PRELID2: variants seen among roughly 807,000 people sequenced by gnomAD.
PRELID2 encodes PRELI domain-containing protein 2.
A neutral mutation model predicts 28.4 loss-of-function variants in PRELID2; 25 were observed. That is an observed-to-expected ratio of 0.88 (90% CI 0.64 to 1.23). PRELID2 has a LOEUF of 1.23. PRELID2 is among the 50% of genes most tolerant of loss of function. The pLI, the probability that PRELID2 is intolerant of heterozygous loss-of-function variation, is 0.00. For missense variants in PRELID2, 201 were observed against 214.4 expected (o/e 0.94, Z 0.39); for synonymous variants, 76 against 71.6 (o/e 1.06, Z -0.31).
At chr5:145,826,292 C>A in intron 1 of PRELID2, 1 of 452,436 alleles carries the variant, frequency 2.2e-6, no homozygotes, top group Non-Finnish European at 2.9e-6. Flanking sequence ...TCTTCAATCC[C>A]CATTTCATAC....
At chr5:145,369,402 GAGA>G in the PRELID2 span, among the ~76,000 whole-genome samples, 1 of 152,030 alleles carries the variant, frequency 6.6e-6, no homozygotes. Flanking sequence ...TTAGTTTGCT[GAGA>G]ATGATGGCTT....
intron 1 of PRELID2, among the ~76,000 whole-genome samples, chr5:145,498,894 A>T (rs1296703594): frequency 6.6e-6 from 1 of 152,036 alleles, no homozygotes; most frequent in Non-Finnish European, 1.5e-5. Flanking sequence ...CTTGTCTCTT[A>T]AAAAAACAAA....
intron 1 of PRELID2, among the ~76,000 whole-genome samples, chr5:145,677,330 T>A (rs1180325325): frequency 1.3e-5 from 2 of 151,992 alleles, no homozygotes; most frequent in Non-Finnish European, 1.5e-5. Context: ...AATTTTTGTA[T>A]TTTTAGTAGA....
the PRELID2 span, among the ~76,000 whole-genome samples, chr5:145,293,601 C>T: frequency 3.3e-5 from 5 of 152,068 alleles, no homozygotes. Flanking sequence ...AAATTCATTG[C>T]TGGTGATAAA....
intron 1 of PRELID2, among the ~76,000 whole-genome samples, chr5:145,724,596 AATAAATATAT>A (rs1225863774): frequency 3.2e-4 from 9 of 28,354 alleles, no homozygotes; most frequent in Non-Finnish European, 6.8e-4. Context: ...ACAAGAAGTA[AATAAATATAT>A]ATATATATAT....
In PRELID2 at chr5:145,740,947, T is replaced by TA. The variant is rs1460670886; in HGVS notation, n.70+23983_70+23984insT. Among the ~76,000 whole-genome samples the TA allele has an allele frequency of 4.7e-5, 2 of 42,650 alleles. 1 individual carries two copies. Among genetic ancestry groups the TA allele is most frequent in the Non-Finnish European group, 1.3e-4 (2 of 15,882 alleles). The allele number at this position is 42,650 out of a possible 152,430, so 28.0% of individuals were successfully genotyped here. ...ATCGATAAATATATATGTACATATA[T>TA]TTATCTATAAATAAAGTATATATTA... On this transcript the variant is annotated intron_variant and non_coding_transcript_variant, in intron 1 of 2. Coordinates refer to the PRELID2 transcript ENST00000510259.
intron 1 of PRELID2, among the ~76,000 whole-genome samples, chr5:145,693,403 C>T (rs1254633982): frequency 6.6e-6 from 1 of 151,928 alleles, no homozygotes; most frequent in African/African-American, 2.4e-5. Flanking sequence ...CTGCCTCGGC[C>T]TCCCAAAGTG....
At chr5:145,365,171 A>G in the PRELID2 span, among the ~76,000 whole-genome samples, 1 of 151,972 alleles carries the variant, frequency 6.6e-6, no homozygotes, top group African/African-American at 2.4e-5. Context: ...TCAGTTAGAA[A>G]TGAAAAATAA....
At chr5:145,677,873 G>C (rs1318698886) in intron 1 of PRELID2, among the ~76,000 whole-genome samples, 1 of 152,122 alleles carries the variant, frequency 6.6e-6, no homozygotes, top group East Asian at 1.9e-4. Flanking sequence ...CAGCACTTTG[G>C]GAGGCCGCGG....
At chr5:145,392,692 GAGAGAGAGAGAAAGAA>G in the PRELID2 span, among the ~76,000 whole-genome samples, 4 of 151,582 alleles carry the variant, frequency 2.6e-5, no homozygotes, top group Admixed American at 6.6e-5. Context: ...AGAGAGGGAG[GAGAGAGAGAGAAAGAA>G]AGAGAGAGGG....
chr5:145,773,621 T>C (rs112512875), intron 5 of PRELID2, among the ~76,000 whole-genome samples: 2,457 of 152,322 alleles, frequency 0.016, 66 homozygotes, highest in African/African-American at 0.056. Flanking sequence ...CTTCCTCACA[T>C]TGAAGAGTAA....
the PRELID2 span, among the ~76,000 whole-genome samples, chr5:145,350,639 T>G: frequency 6.6e-6 from 1 of 152,180 alleles, no homozygotes; most frequent in Non-Finnish European, 1.5e-5. Flanking sequence ...CTTATATAAA[T>G]ATACATGTCC....
At chr5:145,647,550 T>G (rs1472357207) in intron 1 of PRELID2, among the ~76,000 whole-genome samples, 1 of 152,146 alleles carries the variant, frequency 6.6e-6, no homozygotes, top group Non-Finnish European at 1.5e-5. Context: ...TCACTGGCAT[T>G]CCAGGTGCCA....
chr5:145,626,783 T>A (rs1753851596), intron 1 of PRELID2, among the ~76,000 whole-genome samples: 1 of 152,104 alleles, frequency 6.6e-6, no homozygotes, highest in Non-Finnish European at 1.5e-5. Flanking sequence ...TAAGTATCCA[T>A]CAACAGATGA....
At chr5:145,658,260 A>C (rs1030518180) in intron 1 of PRELID2, among the ~76,000 whole-genome samples, 8 of 152,220 alleles carry the variant, frequency 5.3e-5, no homozygotes, top group African/African-American at 1.9e-4. Flanking sequence ...GGCAGATCGA[A>C]AATGTGGTCA....
intron 1 of PRELID2, among the ~76,000 whole-genome samples, chr5:145,534,166 C>A (rs1467378021): frequency 1.3e-5 from 2 of 152,030 alleles, no homozygotes; most frequent in Admixed American, 6.6e-5. Flanking sequence ...TCCTTTGACC[C>A]ATCCACAATT....
At chr5:145,473,020 A>G (rs1033475636) in intron 2 of PRELID2, among the ~76,000 whole-genome samples, 9 of 152,176 alleles carry the variant, frequency 5.9e-5, no homozygotes, top group Non-Finnish European at 1.3e-4. Context: ...GCAACCAACT[A>G]TCTGTGCTAA....
At chr5:145,309,262 A>G in the PRELID2 span, among the ~76,000 whole-genome samples, 1 of 152,194 alleles carries the variant, frequency 6.6e-6, no homozygotes, top group Non-Finnish European at 1.5e-5. Context: ...AGAGAAGGAC[A>G]TTGCTGGAGA....
chr5:145,539,958 G>T (rs1400238748), intron 1 of PRELID2, among the ~76,000 whole-genome samples: 1 of 151,728 alleles, frequency 6.6e-6, no homozygotes, highest in Non-Finnish European at 1.5e-5. Flanking sequence ...ATGAAATTAT[G>T]ATTGTCGCTT....
Sources: gnomAD v4.1 joint callset for allele counts (sites outside exome capture counted in the v4.1 genomes callset) on GRCh38, gnomAD v4.1.1 for gene constraint, MANE v1.5 for transcripts, NCBI Gene and HGNC (gene_info 2026-07-23, HGNC 2026-07-21) for gene names.